AFG1L: variants seen among roughly 807,000 people sequenced by gnomAD.
The protein encoded by AFG1L is AFG1 like ATPase.
A neutral mutation model predicts 62.2 loss-of-function variants in AFG1L; 53 were observed. That is an observed-to-expected ratio of 0.85 (90% CI 0.68 to 1.07). The LOEUF is 1.07. Among genes scored for constraint, AFG1L ranks in the 50% least tolerant of loss-of-function variants. The pLI is 0.00. For missense variants in AFG1L, 555 were observed against 590.5 expected, an observed-to-expected ratio of 0.94 and a Z score of 0.62; for synonymous variants, 228 against 210.3, an observed-to-expected ratio of 1.08 and a Z score of -0.73.
At chr6:108,300,775 C>T (rs150385725) in intron 1 of AFG1L, among the ~76,000 whole-genome samples, 88 of 151,740 alleles carry the variant, frequency 5.8e-4, no homozygotes, top group Non-Finnish European at 1.1e-3. Context: ...CAGGTTCAAG[C>T]GATTCTCCTG....
At chr6:108,510,568 T>C (rs1383962250) in intron 11 of AFG1L, among the ~76,000 whole-genome samples, 5 of 152,160 alleles carry the variant, frequency 3.3e-5, no homozygotes. Context: ...TTTAAAACAT[T>C]TGGCACAAGC....
intron 6 of AFG1L, among the ~76,000 whole-genome samples, chr6:108,399,178 G>GTTTTTTTTTTTTTT (rs57304886): frequency 1.6e-5 from 1 of 62,206 alleles, no homozygotes; most frequent in African/African-American, 6.7e-5. Context: ...TCTTTTGTTT[G>GTTTTTTTTTTTTTT]TTTTTTTTTT....
Position 108,519,740 on chromosome 6 carries a change from T to G in AFG1L, c.1247T>G (p.Phe416Cys). The G allele has an allele frequency of 6.2e-7, 1 of 1,613,612 alleles. No homozygotes were observed. The highest frequency in any genetic ancestry group is 8.5e-7 in the Non-Finnish European group (1 of 1,179,762). Residue 416 changes from phenylalanine to cysteine, a missense_variant, in exon 12 of 13, where the codon TTT becomes TGT. By Grantham distance (205) the Phe-to-Cys change is radical. Coordinates refer to ENST00000368977, the MANE Select transcript of AFG1L (RefSeq NM_145315.5). ...CSASTPISSL[F>C]LHQHHDSELE... ...GCGTCGACTCCTATATCAAGCTTAT[T>G]TTTGCATCAACATCATGACAGTGAG... is the stretch of plus-strand genomic sequence containing the variant.
At chr6:108,450,520 T>C (rs548765483) in intron 8 of AFG1L, among the ~76,000 whole-genome samples, 2 of 152,306 alleles carry the variant, frequency 1.3e-5, no homozygotes, top group Admixed American at 1.3e-4. Flanking sequence ...GATGAGTAGA[T>C]TGCAAAAATT....
intron 7 of AFG1L, among the ~76,000 whole-genome samples, chr6:108,403,219 A>G (rs1781706936): frequency 6.6e-6 from 1 of 152,148 alleles, no homozygotes; most frequent in Non-Finnish European, 1.5e-5. Context: ...AATTCCCATA[A>G]TTTTAGATAA....
intron 8 of AFG1L, among the ~76,000 whole-genome samples, chr6:108,453,500 C>A (rs1772137852): frequency 6.6e-6 from 1 of 152,166 alleles, no homozygotes; most frequent in Non-Finnish European, 1.5e-5. Flanking sequence ...CAAAAAGACA[C>A]ACAGCTTCAA....
intron 10 of AFG1L, among the ~76,000 whole-genome samples, chr6:108,509,432 A>T (rs571392912): frequency 9.4e-4 from 143 of 152,354 alleles, no homozygotes; most frequent in African/African-American, 2.8e-3. Flanking sequence ...GATGATTTTC[A>T]TACTGAAGCA....
chr6:108,483,716 A>G (rs752388002), intron 10 of AFG1L, among the ~76,000 whole-genome samples: 1 of 152,208 alleles, frequency 6.6e-6, no homozygotes, highest in Non-Finnish European at 1.5e-5. Flanking sequence ...GCAGAAAAAT[A>G]TATCAGTTGA....
chr6:108,445,488 A>G (rs1771733166), intron 7 of AFG1L, among the ~76,000 whole-genome samples: 1 of 152,138 alleles, frequency 6.6e-6, no homozygotes, highest in Admixed American at 6.5e-5. Context: ...TACCTTCCTC[A>G]CTAAGCTTAA....
chr6:108,412,389 C>T (rs1224208321), intron 7 of AFG1L, among the ~76,000 whole-genome samples: 2 of 152,118 alleles, frequency 1.3e-5, no homozygotes, highest in Non-Finnish European at 2.9e-5. Flanking sequence ...GGCAGGCCAA[C>T]ATTCAAATTC....
chr6:108,311,794 T>C (rs987177917), intron 1 of AFG1L, among the ~76,000 whole-genome samples: 2 of 152,202 alleles, frequency 1.3e-5, no homozygotes, highest in Non-Finnish European at 2.9e-5. Context: ...TTCACTAAAC[T>C]CTCCATTTTA....
intron 3 of AFG1L, among the ~76,000 whole-genome samples, chr6:108,351,145 G>T (rs1214889856): frequency 6.6e-6 from 1 of 152,204 alleles, no homozygotes; most frequent in Non-Finnish European, 1.5e-5. Flanking sequence ...ATCAGTGAGT[G>T]AGTGGTGAGT....
intron 1 of AFG1L, among the ~76,000 whole-genome samples, chr6:108,310,575 CTTT>C (rs79088170): frequency 1.5e-5 from 2 of 132,540 alleles, no homozygotes; most frequent in Admixed American, 7.6e-5. Context: ...TTTTCACCTT[CTTT>C]TTTTTTTTTT....
At chr6:108,346,050 T>A (rs1167502055) in intron 2 of AFG1L, among the ~76,000 whole-genome samples, 1 of 152,202 alleles carries the variant, frequency 6.6e-6, no homozygotes, top group African/African-American at 2.4e-5. Context: ...AGAGGGGATG[T>A]ACATTCAAGT....
intron 7 of AFG1L, among the ~76,000 whole-genome samples, chr6:108,411,049 C>T (rs1376674946): frequency 1.3e-5 from 2 of 152,148 alleles, no homozygotes; most frequent in African/African-American, 2.4e-5. Context: ...CCTGGAAAAT[C>T]GGGACACTCC....
chr6:108,515,176 C>A (rs540331061), intron 11 of AFG1L, among the ~76,000 whole-genome samples: 255 of 152,270 alleles, frequency 1.7e-3, no homozygotes, highest in Non-Finnish European at 2.9e-3. Flanking sequence ...ACTCTCCACC[C>A]CAGATCAACA....
rs137954934 is a variant in AFG1L at position 108,471,570 on chromosome 6, C to G, written c.891-5295C>G. 9.3e-3 allele frequency among the ~76,000 whole-genome samples: 1,400 copies of G among 149,888 alleles called. 15 individuals carry two copies. Among genetic ancestry groups the G allele is most frequent in the Non-Finnish European group, 0.014 (917 of 67,732 alleles). On this transcript the variant is annotated intron_variant, in intron 8 of 12. Transcript: ENST00000368977. ...CCCCCTCCCAGGTTCAAGTGATTCTCCTGCCTCAGCCTTCCGAGTAGCTGG... is the reference window on the plus strand; with the variant it reads ...CCCCCTCCCAGGTTCAAGTGATTCTGCTGCCTCAGCCTTCCGAGTAGCTGG...
At chr6:108,437,501 T>A (rs989993224) in intron 7 of AFG1L, among the ~76,000 whole-genome samples, 2 of 152,132 alleles carry the variant, frequency 1.3e-5, no homozygotes, top group Non-Finnish European at 2.9e-5. Context: ...AAGACTGACA[T>A]CCTTGGTTTA....
intron 1 of AFG1L, among the ~76,000 whole-genome samples, chr6:108,304,715 T>G (rs921260823): frequency 6.6e-6 from 1 of 152,258 alleles, no homozygotes; most frequent in Admixed American, 6.5e-5. Flanking sequence ...ATTCCTTATA[T>G]AGTTTTGATT....
Sources: allele counts gnomAD v4.1 joint callset (sites outside exome capture counted in the v4.1 genomes callset), GRCh38; gene constraint gnomAD v4.1.1; transcripts MANE v1.5; gene names NCBI Gene and HGNC (gene_info 2026-07-23, HGNC 2026-07-21).